The following NSMCE3 variants were observed in gnomAD, a reference collection of about 807,000 sequenced individuals.
The protein encoded by NSMCE3 is non-structural maintenance of chromosomes element 3 homolog.
For synonymous variants in NSMCE3, 214 were observed against 172.2 expected, an observed-to-expected ratio of 1.24 and a Z score of -1.90; for missense variants, 452 against 399.5, an observed-to-expected ratio of 1.13 and a Z score of -1.12.
At position 29,267,508 on chromosome 15, in the gene NSMCE3, C is replaced by T. The variant is rs1596142838; in HGVS notation, c.*1283G>A. On this transcript the variant is annotated 3_prime_UTR_variant, in exon 1 of 1. Transcript: ENST00000332303. ...ACCATGCTGACAAGTTAGCATGAGCCGTAATTCAAATTCAGTTTGCCAGAC... is the reference window on the plus strand; with the variant it reads ...ACCATGCTGACAAGTTAGCATGAGCTGTAATTCAAATTCAGTTTGCCAGAC... 3 of 152,236 alleles carry T rather than the reference C, an allele frequency of 2.0e-5. No homozygotes were observed. Among genetic ancestry groups the T allele is most frequent in the Admixed American group, 2.0e-4 (3 of 15,298 alleles). 9.4% of individuals were successfully genotyped at this position (152,236 alleles called of 1,614,324 possible).
rs2043529669 is a variant in NSMCE3, at chr15:29,268,477, A to T, written c.*314T>A. 3.1e-6 allele frequency: 1 copy of T among 322,314 alleles called. No homozygotes were observed. The highest frequency in any genetic ancestry group is 4.8e-5 in the Admixed American group (1 of 21,006). 20.0% of individuals were successfully genotyped at this position (322,314 alleles called of 1,614,324 possible). On this transcript the variant is annotated 3_prime_UTR_variant, in exon 1 of 1. Transcript: ENST00000332303. Reference sequence around the variant, plus strand: ...TATTTTCTTGGCACCAAAGCAACTTACTTATGTGTTCCTTCTTGCATTATC... The same window carrying T: ...TATTTTCTTGGCACCAAAGCAACTTTCTTATGTGTTCCTTCTTGCATTATC...
At position 29,269,212 on chromosome 15, in the gene NSMCE3, GCATCCT is replaced by G. The variant is rs767286720; in HGVS notation, c.488_493del (p.Glu163_Asp164del). ...CGTGCCTTGGTCACCCCTCATCTCG[GCATCCT>G]CCTCCACAGGCTCCAGGGTGTTGAT... On this transcript the variant is annotated inframe_deletion, in exon 1 of 1. Transcript: ENST00000332303. 1.2e-6 allele frequency: 2 copies of G among 1,614,114 alleles called. No individual in the cohort carries two copies. The highest frequency in any genetic ancestry group is 2.2e-5 in the South Asian group (2 of 91,076).
rs2043543973 is a variant in NSMCE3, at chr15:29,268,993, A to G, written c.713T>C (p.Ile238Thr). Residue 238 changes from isoleucine to threonine, a missense_variant, in exon 1 of 1, where the codon ATA becomes ACA. By Grantham distance (89) the Ile-to-Thr change is moderately conservative (BLOSUM62 -1). Transcript: ENST00000332303. ...VRQRYLEYRRIPHTDPVDYEF... is the reference protein window; with the variant it reads ...VRQRYLEYRRTPHTDPVDYEF... ...GTAGTCGACGGGGTCGGTGTGGGGTATCCGCCGGTATTCCAGGTAACGCTG... is the reference window on the plus strand; with the variant it reads ...GTAGTCGACGGGGTCGGTGTGGGGTGTCCGCCGGTATTCCAGGTAACGCTG... The G allele has an allele frequency of 1.2e-6, 2 of 1,614,078 alleles. No homozygotes were observed. Among genetic ancestry groups the G allele is most frequent in the East Asian group, 2.2e-5 (1 of 44,868 alleles).
At position 29,269,640 on chromosome 15, in the gene NSMCE3, G is replaced by A. The variant is rs748020364; in HGVS notation, c.66C>T (p.Ser22=). The change falls in exon 1 of 1, where the codon AGC becomes AGT. Residue 22 remains serine, a synonymous_variant. Coordinates refer to ENST00000332303, the MANE Select transcript of NSMCE3 (RefSeq NM_138704.4). ...GCGAAGCCCCGGGGTTTCCGCTATGGCTCCAGTCTCTGTCCCTCTCGGCCT... is the reference window on the plus strand; with the variant it reads ...GCGAAGCCCCGGGGTTTCCGCTATGACTCCAGTCTCTGTCCCTCTCGGCCT... ...GGQAERDRDW[S]HSGNPGASRA... 11 of 1,575,470 alleles carry A rather than the reference G, an allele frequency of 7.0e-6. No homozygotes were observed. The Admixed American group carries it at 1.1e-4, about 15-fold the overall frequency.
chr15:29,266,399 A>G lies in NSMCE3; in HGVS notation c.*2392T>C, dbSNP rs904893572. On this transcript the variant is annotated 3_prime_UTR_variant, in exon 1 of 1. Coordinates refer to ENST00000332303, the MANE Select transcript of NSMCE3 (RefSeq NM_138704.4). ...ACACAAGCTCAAGAGCAGCTTGGCA[A>G]TAGTCCTTGATTGCTCCATTTGTTT... The G allele has an allele frequency of 1.3e-5, 2 of 152,242 alleles. No homozygotes were observed. Among genetic ancestry groups the G allele is most frequent in the Non-Finnish European group, 2.9e-5 (2 of 68,044 alleles). The allele number at this position is 152,242 out of a possible 1,614,324, so 9.4% of individuals were successfully genotyped here. A position where few individuals can be genotyped will look rare whatever the true frequency, so the allele number is the denominator to read the frequency against.
chr15:29,269,627 G>A lies in NSMCE3; in HGVS notation c.79C>T (p.Pro27Ser). Residue 27 changes from proline to serine, a missense_variant, in exon 1 of 1, where the codon CCC (proline) becomes TCC (serine). Pro to Ser is a moderately conservative substitution (Grantham distance 74). Coordinates refer to ENST00000332303, the MANE Select transcript of NSMCE3 (RefSeq NM_138704.4). ...TCTTCCCCGGCCCGCGAAGCCCCGG[G>A]GTTTCCGCTATGGCTCCAGTCTCTG... ...RDRDWSHSGN[P>S]GASRAGEDAR... 3 of 1,570,934 alleles carry A rather than the reference G, an allele frequency of 1.9e-6. No individual in the cohort carries two copies. Among genetic ancestry groups the A allele is most frequent in the East Asian group, 2.5e-5 (1 of 39,884 alleles).
chr15:29,269,480 CG>C lies in NSMCE3; in HGVS notation c.225del (p.Ala76ProfsTer12). 3 of 1,611,128 alleles carry C rather than the reference CG, an allele frequency of 1.9e-6. No individual in the cohort carries two copies. Among genetic ancestry groups the C allele is most frequent in the Non-Finnish European group, 2.5e-6 (3 of 1,179,086 alleles). Reference protein sequence around the residue: ...PQGARRAQAAPAVGPRSQKQL... With the variant: ...PQGARRAQAAXAVGPRSQKQL... ...TGCTTCTGGCTCCTGGGCCCCACGG[CG>C]GGGGCGGCCTGGGCCCGGCGGGCGC... On this transcript the variant is annotated frameshift_variant, in exon 1 of 1. Transcript: ENST00000332303. LOFTEE classifies it low-confidence loss of function (END_TRUNC).
Position 29,269,390 on chromosome 15 carries a change from T to A in NSMCE3, c.316A>T (p.Ile106Phe). ...TGCTTCAGTATGTCGGCCCGCTTGA[T>A]CGGAATCTTCTTCTGGTCTTTAATC... Reference protein sequence around the residue: ...LLIKDQKKIPIKRADILKHVI... With the variant: ...LLIKDQKKIPFKRADILKHVI... The change falls in exon 1 of 1, where the codon ATC (isoleucine) becomes TTC (phenylalanine). Residue 106 changes from isoleucine (I) to phenylalanine (F), a missense_variant. Coordinates refer to ENST00000332303, the MANE Select transcript of NSMCE3 (RefSeq NM_138704.4). 1 of 1,614,106 alleles carries A rather than the reference T, an allele frequency of 6.2e-7. No individual in the cohort carries two copies. The highest frequency in any genetic ancestry group is 8.5e-7 in the Non-Finnish European group (1 of 1,180,008).
In NSMCE3 at chr15:29,268,378, T is replaced by C. The variant is rs2043527028; in HGVS notation, c.*413A>G. 6.2e-6 allele frequency: 1 copy of C among 160,834 alleles called. No homozygotes were observed. The highest frequency in any genetic ancestry group is 2.7e-5 in the African/African-American group (1 of 37,114). 10.0% of individuals were successfully genotyped at this position (160,834 alleles called of 1,614,324 possible). A position where few individuals can be genotyped will look rare whatever the true frequency, so the allele number is the denominator to read the frequency against. ...ACATAATAAGGATATAGGCAATTAT[T>C]TTTTTTAATTTTATAAAAACTTTTA... On this transcript the variant is annotated 3_prime_UTR_variant, in exon 1 of 1. Coordinates refer to ENST00000332303, the MANE Select transcript of NSMCE3 (RefSeq NM_138704.4).
chr15:29,268,744 C>T lies in NSMCE3; in HGVS notation c.*47G>A, dbSNP rs1299474992. The T allele has an allele frequency of 6.5e-7, 1 of 1,546,102 alleles. No homozygotes were observed. The highest frequency in any genetic ancestry group is 8.7e-7 in the Non-Finnish European group (1 of 1,148,068). On this transcript the variant is annotated 3_prime_UTR_variant, in exon 1 of 1. Transcript: ENST00000332303. ...CTTCCCCCAATCCTCTAAACTGTGC[C>T]TTTGGGTCTCAGACCCTTGTCCCGG...
rs2043569949 is a variant in NSMCE3 at position 29,269,665 on chromosome 15, TG to T, written c.40del (p.Gln14ArgfsTer74). ...KPRNRGRSGG[Q>X]AERDRDWSHS... ...GCTCCAGTCTCTGTCCCTCTCGGCCTGGCCGCCAGAGCGGCCCCGGTTCCTC... is the reference window on the plus strand; with the variant it reads ...GCTCCAGTCTCTGTCCCTCTCGGCCTGCCGCCAGAGCGGCCCCGGTTCCTC... On this transcript the variant is annotated frameshift_variant, in exon 1 of 1. Coordinates refer to ENST00000332303, the MANE Select transcript of NSMCE3 (RefSeq NM_138704.4). LOFTEE classifies it low-confidence loss of function (END_TRUNC). 2.6e-6 allele frequency: 4 copies of T among 1,561,640 alleles called. No homozygotes were observed. Among genetic ancestry groups the T allele is most frequent in the Non-Finnish European group, 3.4e-6 (4 of 1,159,518 alleles).
At position 29,268,725 on chromosome 15, in the gene NSMCE3, C is replaced by A. The variant is rs926037245; in HGVS notation, c.*66G>T. ...CTCCCTGGGTTCGTTCTCCCTTCCC[C>A]CAATCCTCTAAACTGTGCCTTTGGG... On this transcript the variant is annotated 3_prime_UTR_variant, in exon 1 of 1. Transcript: ENST00000332303. 7 of 1,504,010 alleles carry A rather than the reference C, an allele frequency of 4.7e-6. No individual in the cohort carries two copies. Among genetic ancestry groups the A allele is most frequent in the Non-Finnish European group, 6.2e-6 (7 of 1,120,194 alleles). The allele number at this position is 1,504,010 out of a possible 1,614,324, so 93.2% of individuals were successfully genotyped here.
chr15:29,269,058 G>A lies in NSMCE3; in HGVS notation c.648C>T (p.Phe216=), dbSNP rs755799005. 4.4e-5 allele frequency: 71 copies of A among 1,614,154 alleles called. No individual in the cohort carries two copies. In the East Asian group the frequency reaches 1.5e-3, roughly 34 times the overall value. Reference sequence around the variant, plus strand: ...CAGTAATGAGTTTCTTTGGATCTCCGAAAATTAAATGCTTCTTGGTGGGGT... The same window carrying A: ...CAGTAATGAGTTTCTTTGGATCTCCAAAAATTAAATGCTTCTTGGTGGGGT... ...GVYPTKKHLI[F]GDPKKLITED... Residue 216 remains phenylalanine (F), a synonymous_variant, in exon 1 of 1, where the codon TTC becomes TTT. Coordinates refer to ENST00000332303, the MANE Select transcript of NSMCE3 (RefSeq NM_138704.4).
rs921352989 is a variant in NSMCE3 at position 29,268,985 on chromosome 15, T to C, written c.721A>G (p.Thr241Ala). 1.2e-6 allele frequency: 2 copies of C among 1,613,982 alleles called. No individual in the cohort carries two copies. Among genetic ancestry groups the C allele is most frequent in the African/African-American group, 2.7e-5 (2 of 74,872 alleles). ...TGGAATTCGTAGTCGACGGGGTCGG[T>C]GTGGGGTATCCGCCGGTATTCCAGG... The part of the protein sequence containing the change: ...RYLEYRRIPH[T>A]DPVDYEFQWG... Residue 241 changes from threonine to alanine, a missense_variant, in exon 1 of 1, where the codon ACC (threonine) becomes GCC (alanine). Thr to Ala is a moderately conservative substitution (Grantham distance 58). Coordinates refer to ENST00000332303, the MANE Select transcript of NSMCE3 (RefSeq NM_138704.4).
chr15:29,269,035 G>A lies in NSMCE3; in HGVS notation c.671C>T (p.Thr224Ile), dbSNP rs750941906. 6 of 1,614,050 alleles carry A rather than the reference G, an allele frequency of 3.7e-6. No individual in the cohort carries two copies. The South Asian group carries it at 6.6e-5, about 18-fold the overall frequency. Residue 224 changes from threonine (T) to isoleucine (I), a missense_variant, in exon 1 of 1, where the codon ACT becomes ATT. Physicochemically the swap from Thr to Ile is moderately conservative, Grantham distance 89. Transcript: ENST00000332303. ...LIFGDPKKLI[T>I]EDFVRQRYLE... Reference sequence around the variant, plus strand: ...GTAACGCTGTCGCACAAAGTCCTCAGTAATGAGTTTCTTTGGATCTCCGAA... The same window carrying A: ...GTAACGCTGTCGCACAAAGTCCTCAATAATGAGTTTCTTTGGATCTCCGAA...
In NSMCE3 at chr15:29,269,495, C is replaced by T. The variant is rs1220127008; in HGVS notation, c.211G>A (p.Ala71Thr). The T allele has an allele frequency of 6.2e-7, 1 of 1,607,946 alleles. No homozygotes were observed. Among genetic ancestry groups the T allele is most frequent in the South Asian group, 1.1e-5 (1 of 90,686 alleles). Residue 71 changes from alanine (A) to threonine (T), a missense_variant, in exon 1 of 1, where the codon GCC (alanine) becomes ACC (threonine). Coordinates refer to ENST00000332303, the MANE Select transcript of NSMCE3 (RefSeq NM_138704.4). ...GGCCCCACGGCGGGGGCGGCCTGGG[C>T]CCGGCGGGCGCCCTGAGGCGAGGGG... ...QGPSPQGARR[A>T]QAAPAVGPRS...
Position 29,269,813 on chromosome 15 carries a change from G to T in NSMCE3, c.-108C>A. The T allele has an allele frequency of 9.5e-7, 1 of 1,047,180 alleles. No individual in the cohort carries two copies. The allele number at this position is 1,047,180 out of a possible 1,614,324, so 64.9% of individuals were successfully genotyped here. A position where few individuals can be genotyped will look rare whatever the true frequency, so the allele number is the denominator to read the frequency against. On this transcript the variant is annotated 5_prime_UTR_variant, in exon 1 of 1. Transcript: ENST00000332303. ...GGTGCCTGGAGGCGCGCGCAGTGTCGGCTGAGACTGCGTGCTGCGTCATGA... is the reference window on the plus strand; with the variant it reads ...GGTGCCTGGAGGCGCGCGCAGTGTCTGCTGAGACTGCGTGCTGCGTCATGA...
chr15:29,266,633 T>A lies in NSMCE3; in HGVS notation c.*2158A>T. On this transcript the variant is annotated 3_prime_UTR_variant, in exon 1 of 1. Coordinates refer to ENST00000332303, the MANE Select transcript of NSMCE3 (RefSeq NM_138704.4). ...CATAATGGTGAGTGAGTACAGCAAG[T>A]TGCATAAGGACACACGTAACACCGC... 1 of 152,206 alleles carries A rather than the reference T, an allele frequency of 6.6e-6. No individual in the cohort carries two copies. Among genetic ancestry groups the A allele is most frequent in the East Asian group, 1.9e-4 (1 of 5,198 alleles). The allele number at this position is 152,206 out of a possible 1,614,324, so 9.4% of individuals were successfully genotyped here.
rs1180372173 is a variant in NSMCE3, at chr15:29,267,261, T to C, written c.*1530A>G. On this transcript the variant is annotated 3_prime_UTR_variant, in exon 1 of 1. Transcript: ENST00000332303. Reference sequence around the variant, plus strand: ...AATATTTGCCTTATTTCAAGGTTAATTTGCAGCACCTCCCCCTAAAACAAT... The same window carrying C: ...AATATTTGCCTTATTTCAAGGTTAACTTGCAGCACCTCCCCCTAAAACAAT... 1 of 152,222 alleles carries C rather than the reference T, an allele frequency of 6.6e-6. No individual in the cohort carries two copies. Among genetic ancestry groups the C allele is most frequent in the Non-Finnish European group, 1.5e-5 (1 of 68,046 alleles). The allele number at this position is 152,222 out of a possible 1,614,324, so 9.4% of individuals were successfully genotyped here.
Sources: allele counts gnomAD v4.1 joint callset, GRCh38; gene constraint gnomAD v4.1.1; transcripts MANE v1.5; gene names NCBI Gene and HGNC (gene_info 2026-07-23, HGNC 2026-07-21).